The following WDR36 variants were observed in gnomAD, a reference collection of about 807,000 sequenced individuals.
WDR36 encodes the protein WD repeat domain 36, also known as WD repeat-containing protein 36.
WDR36 carries 63 observed loss-of-function variants against 112.7 expected under a neutral mutation model. The ratio of observed to expected loss-of-function variants is 0.56; its 90% CI spans 0.46 to 0.69. The LOEUF (loss-of-function observed/expected upper bound fraction) is 0.69, where lower values mean the gene tolerates loss of function less well. Among genes scored for constraint, WDR36 ranks in the 30% least tolerant of loss-of-function variants. The pLI is 0.00. For missense variants in WDR36, 1,226 were observed against 1,070.3 expected (o/e 1.15, Z -2.03); for synonymous variants, 410 against 362.2 (o/e 1.13, Z -1.50).
chr5:111,122,454 C>T lies in WDR36; in HGVS notation c.2148+1313C>T, dbSNP rs535860265. ...ACCAAGACTATAGTTTACATTTGTC[C>T]TGTGGATAACTTCTATTTTTGCTTT... is the stretch of plus-strand genomic sequence containing the variant. On this transcript the variant is annotated intron_variant, in intron 19 of 22. Coordinates refer to ENST00000513710, the MANE Select transcript of WDR36 (RefSeq NM_139281.3). Among the ~76,000 whole-genome samples the T allele has an allele frequency of 7.2e-4, 109 of 152,202 alleles. No individual in the cohort carries two copies. In the Middle Eastern group the frequency reaches 0.02, roughly 28 times the overall value.
chr5:111,104,241 C>T lies in WDR36; in HGVS notation c.795C>T (p.Asp265=). The T allele has an allele frequency of 6.2e-7, 1 of 1,611,870 alleles. No homozygotes were observed. The highest frequency in any genetic ancestry group is 1.1e-5 in the South Asian group (1 of 91,020). Residue 265 remains aspartate, a synonymous_variant, in exon 8 of 23, where the codon GAC becomes GAT. Coordinates refer to ENST00000513710, the MANE Select transcript of WDR36 (RefSeq NM_139281.3). ...ATATTGGACTCTGGGATCTAGAAGA[C>T]AAAAAATTAATCAACCAAATGAGAA... The part of the protein sequence containing the change: ...CGHIGLWDLE[D]KKLINQMRNA...
At chr5:111,098,502 T>C (rs1753041031) in intron 3 of WDR36, among the ~76,000 whole-genome samples, 1 of 152,184 alleles carries the variant, frequency 6.6e-6, no homozygotes, top group Non-Finnish European at 1.5e-5. Flanking sequence ...TTGTTCTTAA[T>C]GGACAGTTTA....
At chr5:111,104,618 A>G in intron 8 of WDR36, 79 bp from the exon 9 acceptor site, 2 of 1,604,444 alleles carry the variant, frequency 1.2e-6, no homozygotes, top group Non-Finnish European at 1.7e-6. Flanking sequence ...ATACCAGTTG[A>G]TTTATGTAGG....
chr5:111,099,822 G>C lies in WDR36; in HGVS notation c.410-767G>C, dbSNP rs115035413. On this transcript the variant is annotated intron_variant, in intron 4 of 22. Coordinates refer to ENST00000513710, the MANE Select transcript of WDR36 (RefSeq NM_139281.3). The stretch of plus-strand genomic sequence containing the variant: ...ACTGTGGTACCCATACCCTGGGATT[G>C]TACAGTAGTGTGCCAGATAGTATGT... Among the ~76,000 whole-genome samples the C allele has an allele frequency of 5.7e-3, 869 of 152,084 alleles. 7 individuals are homozygous for C. Among genetic ancestry groups the C allele is most frequent in the African/African-American group, 0.02 (848 of 41,534 alleles).
rs371931119 is a variant in WDR36 at position 111,104,703 on chromosome 5, A to C, written c.913A>C (p.Ile305Leu). Residue 305 changes from isoleucine to leucine, a missense_variant, in exon 9 of 23, where the codon ATA (isoleucine) becomes CTA (leucine). Transcript: ENST00000513710. ...CGTTTTTATTTCTTGGCAGATATGG[A>C]TATTTGATGGTCCTACAGGTGAAGG... ...NGADNALRIW[I>L]FDGPTGEGRL... is the part of the protein sequence containing the mutation. 6.2e-7 allele frequency: 1 copy of C among 1,611,068 alleles called. No homozygotes were observed. The highest frequency in any genetic ancestry group is 1.1e-5 in the South Asian group (1 of 91,042).
intron 16 of WDR36, among the ~76,000 whole-genome samples, chr5:111,114,010 A>G (rs1025009280): frequency 7.9e-5 from 12 of 152,130 alleles, no homozygotes; most frequent in Admixed American, 6.6e-4. Flanking sequence ...CATTCTAACT[A>G]TATCTTAAAG....
intron 2 of WDR36, among the ~76,000 whole-genome samples, chr5:111,096,705 C>CA (rs990564760): frequency 4.1e-5 from 6 of 146,970 alleles, no homozygotes; most frequent in African/African-American, 1.3e-4. Context: ...CTCCGTCTCT[C>CA]AAAAAAAAGA....
rs766602577 is a variant in WDR36, at chr5:111,104,731, G to A, written c.941G>A (p.Arg314Gln). 14 of 1,611,178 alleles carry A rather than the reference G, an allele frequency of 8.7e-6. No individual in the cohort carries two copies. The highest frequency in any genetic ancestry group is 6.7e-5 in the Admixed American group (4 of 59,798). Residue 314 changes from arginine (R) to glutamine (Q), a missense_variant, in exon 9 of 23, where the codon CGA becomes CAA. Arg to Gln is a conservative substitution (Grantham distance 43, BLOSUM62 1). Coordinates refer to ENST00000513710, the MANE Select transcript of WDR36 (RefSeq NM_139281.3). Reference protein sequence around the residue: ...WIFDGPTGEGRLLRFRMGHSA... With the variant: ...WIFDGPTGEGQLLRFRMGHSA... ...TTTGATGGTCCTACAGGTGAAGGCCGACTTTTGAGATTCAGAATGGGTCAT... is the reference window on the plus strand; with the variant it reads ...TTTGATGGTCCTACAGGTGAAGGCCAACTTTTGAGATTCAGAATGGGTCAT...
rs1309328302 is a variant in WDR36, at chr5:111,125,762, G to C, written c.2505G>C (p.Glu835Asp). The C allele has an allele frequency of 6.2e-7, 1 of 1,613,706 alleles. No individual in the cohort carries two copies. Among genetic ancestry groups the C allele is most frequent in the South Asian group, 1.1e-5 (1 of 91,090 alleles). ...GMMLDRKRDF[E>D]LAQAYLALFL... Reference sequence around the variant, plus strand: ...TGCTGGACAGAAAGCGTGATTTTGAGTTAGCCCAGGCATACCTTGCATTGT... The same window carrying C: ...TGCTGGACAGAAAGCGTGATTTTGACTTAGCCCAGGCATACCTTGCATTGT... Residue 835 changes from glutamate (E) to aspartate (D), a missense_variant, in exon 22 of 23, where the codon GAG becomes GAC. Glu to Asp is a conservative substitution (Grantham distance 45). Transcript: ENST00000513710.
chr5:111,112,070 G>A (rs1753352999), intron 15 of WDR36, among the ~76,000 whole-genome samples: 1 of 151,896 alleles, frequency 6.6e-6, no homozygotes, highest in South Asian at 2.1e-4. Context: ...TCTGCAGATA[G>A]GAGGCTGGCA....
intron 16 of WDR36, among the ~76,000 whole-genome samples, chr5:111,115,739 G>A (rs1009346263): frequency 6.6e-6 from 1 of 152,072 alleles, no homozygotes; most frequent in Non-Finnish European, 1.5e-5. Flanking sequence ...TATCCATCTG[G>A]AATTGTGCCT....
intron 19 of WDR36, among the ~76,000 whole-genome samples, chr5:111,123,161 C>G (rs1339888203): frequency 6.6e-6 from 1 of 151,876 alleles, no homozygotes; most frequent in African/African-American, 2.4e-5. Flanking sequence ...CTTACCAAAA[C>G]AAAATTCTTT....
intron 14 of WDR36, 101 bp from the exon 15 acceptor site, chr5:111,111,069 A>G: frequency 1.3e-6 from 2 of 1,555,114 alleles, no homozygotes; most frequent in Admixed American, 3.4e-5. Flanking sequence ...ATTTGGCTTA[A>G]TTTCCCCCAA....
At position 111,110,870 on chromosome 5, in the gene WDR36, A is replaced by G. The variant is rs377765180; in HGVS notation, c.1524A>G (p.Lys508=). Residue 508 remains lysine (K), a synonymous_variant, in exon 14 of 23, where the codon AAA becomes AAG. Coordinates refer to ENST00000513710, the MANE Select transcript of WDR36 (RefSeq NM_139281.3). The part of the protein sequence containing the change: ...TVTTGSEGLL[K]FWNFKNKILI... Reference sequence around the variant, plus strand: ...CAACTGGTAGTGAAGGATTACTCAAATTCTGGAACTTTAAAAACAAAATTT... The same window carrying G: ...CAACTGGTAGTGAAGGATTACTCAAGTTCTGGAACTTTAAAAACAAAATTT... 1.2e-4 allele frequency: 186 copies of G among 1,611,702 alleles called. No homozygotes were observed. The highest frequency in any genetic ancestry group is 3.0e-5 in the Non-Finnish European group (35 of 1,178,562).
intron 15 of WDR36, among the ~76,000 whole-genome samples, chr5:111,112,573 A>G (rs569958890): frequency 6.6e-6 from 1 of 152,108 alleles, no homozygotes; most frequent in East Asian, 1.9e-4. Context: ...AGGCAGAGAG[A>G]TCTATTATTT....
chr5:111,113,304 A>G, intron 16 of WDR36, 151 bp downstream of exon 16: 4 of 396,012 alleles, frequency 1.0e-5, no homozygotes, highest in Non-Finnish European at 1.9e-5. Context: ...GTATCCTTGG[A>G]GTGTTTTTGA....
At position 111,103,843 on chromosome 5, in the gene WDR36, A is replaced by G. The variant is rs752190327; in HGVS notation, c.655A>G (p.Asn219Asp). The G allele has an allele frequency of 2.5e-6, 4 of 1,611,484 alleles. No homozygotes were observed. The highest frequency in any genetic ancestry group is 2.5e-6 in the Non-Finnish European group (3 of 1,178,298). ...GLMSGQVIIHNIKFNETLMKF... is the reference protein window; with the variant it reads ...GLMSGQVIIHDIKFNETLMKF... Reference sequence around the variant, plus strand: ...TATGTCAGGTCAAGTTATCATTCACAACATTAAATTTAATGAAACATTAAT... The same window carrying G: ...TATGTCAGGTCAAGTTATCATTCACGACATTAAATTTAATGAAACATTAAT... The change falls in exon 7 of 23, where the codon AAC (asparagine) becomes GAC (aspartate). Residue 219 changes from asparagine to aspartate, a missense_variant. Transcript: ENST00000513710.
At chr5:111,111,704 A>G (rs1753342868) in intron 15 of WDR36, among the ~76,000 whole-genome samples, 1 of 151,906 alleles carries the variant, frequency 6.6e-6, no homozygotes, top group Non-Finnish European at 1.5e-5. Flanking sequence ...TCTAGAGTTT[A>G]CATATCTTAA....
intron 6 of WDR36, among the ~76,000 whole-genome samples, chr5:111,103,042 A>T (rs771645572): frequency 6.6e-6 from 1 of 151,420 alleles, no homozygotes; most frequent in Non-Finnish European, 1.5e-5. Context: ...TATCCAGAAG[A>T]CTCCATAAGT....
Sources: allele counts gnomAD v4.1 joint callset (sites outside exome capture counted in the v4.1 genomes callset), GRCh38; gene constraint gnomAD v4.1.1; transcripts MANE v1.5; gene names NCBI Gene and HGNC (gene_info 2026-07-23, HGNC 2026-07-21).